Variants in WDPCP observed in about 807,000 individuals in gnomAD.
WDPCP encodes WD repeat-containing and planar cell polarity effector protein fritz homolog.
A neutral mutation model predicts 93.1 loss-of-function variants in WDPCP; 71 were observed. The ratio of observed to expected loss-of-function variants is 0.76; its 90% CI spans 0.63 to 0.93. The LOEUF (loss-of-function observed/expected upper bound fraction) is 0.93, where lower values mean the gene tolerates loss of function less well. Ranked by LOEUF, WDPCP falls within the 40% of genes least tolerant of loss-of-function variation. The pLI is 0.00. For missense variants in WDPCP, 844 were observed against 887.4 expected (o/e 0.95, Z 0.62); for synonymous variants, 315 against 315.0 (o/e 1.00, Z 0.00).
At chr2:63,169,899 T>A (rs947465693) in intron 15 of WDPCP, among the ~76,000 whole-genome samples, 1 of 129,916 alleles carries the variant, frequency 7.7e-6, no homozygotes, top group Non-Finnish European at 1.8e-5. Context: ...TTCAGTGGAC[T>A]TTTTTTTTTT....
chr2:63,409,596 T>G (rs1694875751), intron 9 of WDPCP, among the ~76,000 whole-genome samples: 1 of 152,050 alleles, frequency 6.6e-6, no homozygotes, highest in Non-Finnish European at 1.5e-5. Flanking sequence ...GTTATTCAGC[T>G]AATCAGGGAG....
rs139542935 is a variant in WDPCP at position 63,489,280 on chromosome 2, G to A, written c.161-1786C>T. On this transcript the variant is annotated intron_variant, in intron 2 of 17. Coordinates refer to ENST00000272321, the MANE Select transcript of WDPCP (RefSeq NM_015910.7). ...AGAAAAATACAAATATGGAAAGGGA[G>A]AAAATTAGAATGAACCCTATGGTGG... Among the ~76,000 whole-genome samples the A allele has an allele frequency of 3.0e-4, 46 of 152,084 alleles. No individual in the cohort carries two copies. The East Asian group carries it at 6.8e-3, about 22-fold the overall frequency.
intron 14 of WDPCP, among the ~76,000 whole-genome samples, chr2:63,180,646 T>C (rs900031262): frequency 1.3e-5 from 2 of 152,172 alleles, no homozygotes; most frequent in East Asian, 1.9e-4. Flanking sequence ...GATAAACATA[T>C]GAGTGTGGGT....
chr2:63,327,207 A>G (rs1353544728), intron 12 of WDPCP, among the ~76,000 whole-genome samples: 1 of 152,196 alleles, frequency 6.6e-6, no homozygotes, highest in African/African-American at 2.4e-5. Context: ...ACTTAGGAAA[A>G]TTGCCTAATA....
At chr2:63,622,882 C>G in intron 3 of WDPCP, 1 of 1,498,280 alleles carries the variant, frequency 6.7e-7, no homozygotes, top group Non-Finnish European at 9.1e-7. Flanking sequence ...GGGTGCGGAG[C>G]CTGGGAGGCA....
intron 2 of WDPCP, among the ~76,000 whole-genome samples, chr2:63,756,801 C>G (rs1327475098): frequency 1.3e-5 from 2 of 152,138 alleles, no homozygotes; most frequent in Admixed American, 6.5e-5. Context: ...TTTATTGGTC[C>G]TTTAATCCTG....
chr2:63,401,079 G>T (rs1028684399), intron 10 of WDPCP, among the ~76,000 whole-genome samples: 6 of 152,052 alleles, frequency 3.9e-5, no homozygotes, highest in African/African-American at 1.4e-4. Flanking sequence ...CAGGACACAG[G>T]CATGAGCAAA....
chr2:63,510,442 A>T (rs1702159155), intron 1 of WDPCP, among the ~76,000 whole-genome samples: 1 of 152,246 alleles, frequency 6.6e-6, no homozygotes, highest in Non-Finnish European at 1.5e-5. Flanking sequence ...CAAAATAACA[A>T]GAGCTATTTA....
intron 14 of WDPCP, among the ~76,000 whole-genome samples, chr2:63,217,930 A>G (rs192518374): frequency 1.0e-3 from 157 of 152,320 alleles, no homozygotes; most frequent in African/African-American, 3.5e-3. Context: ...CTTGATAAAG[A>G]TTAGGCTATT....
chr2:63,744,883 T>C (rs1273252328), intron 2 of WDPCP, among the ~76,000 whole-genome samples: 1 of 152,118 alleles, frequency 6.6e-6, no homozygotes, highest in Non-Finnish European at 1.5e-5. Flanking sequence ...AATTTCATCA[T>C]TAAATATATT....
Position 63,709,687 on chromosome 2 carries a change from T to C in WDPCP, n.309-58849A>G, listed in dbSNP as rs533036590. Among the ~76,000 whole-genome samples the C allele has an allele frequency of 3.7e-4, 57 of 152,372 alleles. 1 individual carries two copies. Among genetic ancestry groups the C allele is most frequent in the African/African-American group, 1.3e-3 (54 of 41,586 alleles). ...TTAAGTTTTATTTTAACTTTTATTGTCCTGAAAGTTCTCATGATTTAATTA... is the reference window on the plus strand; with the variant it reads ...TTAAGTTTTATTTTAACTTTTATTGCCCTGAAAGTTCTCATGATTTAATTA... On this transcript the variant is annotated intron_variant and non_coding_transcript_variant, in intron 2 of 4. Transcript: ENST00000467687.
At chr2:63,769,343 A>G (rs1670191934) in intron 2 of WDPCP, among the ~76,000 whole-genome samples, 1 of 152,024 alleles carries the variant, frequency 6.6e-6, no homozygotes, top group Non-Finnish European at 1.5e-5. Flanking sequence ...TAACATAAAA[A>G]TATGTGGGGT....
In WDPCP at chr2:63,610,136, TC is replaced by T. The variant is rs1206816850; in HGVS notation, n.488+40522del. Reference sequence around the variant, plus strand: ...AGTCCAGGCCCAGGAAGTTGTGTCTTCAAGCAGCATGATAATATGTGAAAAG... The same window carrying T: ...AGTCCAGGCCCAGGAAGTTGTGTCTTAAGCAGCATGATAATATGTGAAAAG... On this transcript the variant is annotated intron_variant and non_coding_transcript_variant, in intron 3 of 4. Transcript: ENST00000467687. Among the ~76,000 whole-genome samples the T allele has an allele frequency of 7.2e-5, 11 of 152,308 alleles. No homozygotes were observed. The South Asian group carries it at 2.3e-3, about 32-fold the overall frequency.
At position 63,295,567 on chromosome 2, in the gene WDPCP, A is replaced by G. The variant is rs143652285; in HGVS notation, c.1812+17681T>C. Reference sequence around the variant, plus strand: ...AAAAAAAGAATATTATATAAGTACAATCAGAAGTGATAACAGTGAAATTGC... The same window carrying G: ...AAAAAAAGAATATTATATAAGTACAGTCAGAAGTGATAACAGTGAAATTGC... On this transcript the variant is annotated intron_variant, in intron 13 of 17. Transcript: ENST00000272321. Among the ~76,000 whole-genome samples the G allele has an allele frequency of 1.7e-3, 257 of 152,170 alleles. 2 individuals are homozygous for G. Among genetic ancestry groups the G allele is most frequent in the African/African-American group, 5.8e-3 (240 of 41,556 alleles).
intron 14 of WDPCP, among the ~76,000 whole-genome samples, chr2:63,206,339 A>G (rs1293549533): frequency 1.3e-5 from 2 of 152,194 alleles, no homozygotes; most frequent in Non-Finnish European, 2.9e-5. Context: ...TACTATGAGC[A>G]TTACTCGAAT....
intron 2 of WDPCP, among the ~76,000 whole-genome samples, chr2:63,796,399 C>T (rs1439956367): frequency 6.6e-6 from 1 of 152,166 alleles, no homozygotes; most frequent in African/African-American, 2.4e-5. Flanking sequence ...TCATAAGAAC[C>T]AAAAATCAGG....
intron 12 of WDPCP, among the ~76,000 whole-genome samples, chr2:63,348,609 T>A (rs1351273886): frequency 6.6e-6 from 1 of 152,146 alleles, no homozygotes; most frequent in African/African-American, 2.4e-5. Context: ...TATATTTAAT[T>A]GTGCTTATAT....
chr2:63,138,135 A>T (rs1574696809), intron 17 of WDPCP, among the ~76,000 whole-genome samples: 1 of 97,016 alleles, frequency 1.0e-5, no homozygotes. Flanking sequence ...GATTTAGATT[A>T]TTTCCCACTT....
At chr2:63,570,310 C>T (rs1418818132) in intron 1 of WDPCP, among the ~76,000 whole-genome samples, 1 of 152,200 alleles carries the variant, frequency 6.6e-6, no homozygotes, top group Non-Finnish European at 1.5e-5. Context: ...CATGCATTCT[C>T]AAACTGGACA....
Sources: gnomAD v4.1 joint callset for allele counts (sites outside exome capture counted in the v4.1 genomes callset) on GRCh38, gnomAD v4.1.1 for gene constraint, MANE v1.5 for transcripts, NCBI Gene and HGNC (gene_info 2026-07-23, HGNC 2026-07-21) for gene names.